The following TAF1 variants were observed in gnomAD, a reference collection of about 807,000 sequenced individuals.
TAF1 encodes transcription initiation factor TFIID subunit 1.
TAF1 carries 2 observed loss-of-function variants against 138.5 expected under a neutral mutation model. The ratio of observed to expected loss-of-function variants is 0.01; its 90% CI spans 0.01 to 0.05. TAF1 has a LOEUF of 0.05. Among genes scored for constraint, TAF1 ranks in the 10% least tolerant of loss-of-function variants. The pLI is 1.00. For missense variants in TAF1, 709 were observed against 1,478.0 expected (o/e 0.48, Z 8.53); for synonymous variants, 437 against 503.2 (o/e 0.87, Z 1.76).
intron 35 of TAF1, chrX:71,459,159 G>A (rs1378532584): frequency 2.8e-6 from 3 of 1,071,626 alleles, no homozygotes; most frequent in South Asian, 1.8e-5. Context: ...GATGCGCCAG[G>A]GCCGAGGTAG....
rs976578787 is a variant in TAF1, at chrX:71,493,273, A to G, written c.1366+32470A>G. 4.5e-5 allele frequency among the ~76,000 whole-genome samples: 5 copies of G among 111,861 alleles called. No homozygotes were observed. The East Asian group carries it at 1.1e-3, about 25-fold the overall frequency. On this transcript the variant is annotated intron_variant and NMD_transcript_variant, in intron 13 of 14. Transcript: ENST00000373775. ...CGTGATCCGCCCGCCTCGGACTTCC[A>G]AAGTGCTAGGATTACAGGCGTGAGC...
At chrX:71,371,776 GCT>G (rs1301524555) in intron 3 of TAF1, among the ~76,000 whole-genome samples, 1 of 111,703 alleles carries the variant, frequency 9.0e-6, no homozygotes, top group East Asian at 2.8e-4. Flanking sequence ...TGAGCAGGTT[GCT>G]GAATCTCTGA....
At chrX:71,458,095 G>C (rs2038385801) in intron 34 of TAF1, 146 bp from the exon 35 acceptor site, 1 of 773,051 alleles carries the variant, frequency 1.3e-6, no homozygotes, top group South Asian at 3.0e-5. Context: ...CCAAAAACTT[G>C]TCTGTAAAGC....
chrX:71,494,705 T>G (rs1339419629), intron 13 of TAF1, among the ~76,000 whole-genome samples: 1 of 112,163 alleles, frequency 8.9e-6, no homozygotes, highest in Non-Finnish European at 1.9e-5. Flanking sequence ...CTCACCAACT[T>G]CAAGAATGAA....
At chrX:71,375,917 G>A (rs1177484967) in intron 4 of TAF1, among the ~76,000 whole-genome samples, 1 of 112,829 alleles carries the variant, frequency 8.9e-6, no homozygotes, top group East Asian at 2.8e-4. Flanking sequence ...CTGGTATTTG[G>A]AAACTACTTG....
At chrX:71,445,511 C>T (rs1314831873) in intron 32 of TAF1, among the ~76,000 whole-genome samples, 1 of 111,574 alleles carries the variant, frequency 9.0e-6, no homozygotes, top group Non-Finnish European at 1.9e-5. Context: ...ACTGTCCTTC[C>T]TCCATTGAAT....
intron 32 of TAF1, among the ~76,000 whole-genome samples, chrX:71,449,985 C>G (rs959281238): frequency 1.4e-4 from 16 of 111,404 alleles, no homozygotes; most frequent in African/African-American, 4.9e-4. Flanking sequence ...ATTGCCCAGG[C>G]TGGTCTTGAA....
intron 13 of TAF1, among the ~76,000 whole-genome samples, chrX:71,516,027 G>A (rs186919746): frequency 9.1e-6 from 1 of 109,717 alleles, no homozygotes; most frequent in African/African-American, 3.3e-5. Context: ...GGGGTTGGGG[G>A]AGGGAGGGAG....
intron 13 of TAF1, among the ~76,000 whole-genome samples, chrX:71,481,722 T>A (rs1432121574): frequency 9.0e-6 from 1 of 111,095 alleles, no homozygotes; most frequent in Non-Finnish European, 1.9e-5. Context: ...CATGCCCGGC[T>A]AATTTTTTGT....
rs747853828 is a variant in TAF1 at position 71,448,749 on chromosome X, T to A, written c.4754-5421T>A. Among the ~76,000 whole-genome samples the A allele has an allele frequency of 2.7e-5, 3 of 111,378 alleles. No individual in the cohort carries two copies. The East Asian group carries it at 8.4e-4, about 31-fold the overall frequency. On this transcript the variant is annotated intron_variant, in intron 32 of 37. Transcript: ENST00000423759. ...AGTGTATCAGCTATGCAAGTAAGTG[T>A]GGGTTTTTTTTTTAAATATTCTAGA...
chrX:71,420,555 T>C lies in TAF1; in HGVS notation c.4385-754T>C, dbSNP rs1309890014. ...CCAGCATTTCCTGGAGGTGGACTCA[T>C]ACTCATCTGCTTCTCTACCTCGTTC... On this transcript the variant is annotated intron_variant, in intron 28 of 37. Transcript: ENST00000423759. 25 of 1,207,425 alleles carry C rather than the reference T, an allele frequency of 2.1e-5. No homozygotes were observed. The Admixed American group carries it at 5.2e-4, about 25-fold the overall frequency.
intron 32 of TAF1, among the ~76,000 whole-genome samples, chrX:71,446,386 T>C (rs1357260791): frequency 8.9e-6 from 1 of 112,199 alleles, no homozygotes; most frequent in African/African-American, 3.2e-5. Context: ...ATCAATGCTT[T>C]AAAAATTATT....
intron 13 of TAF1, among the ~76,000 whole-genome samples, chrX:71,516,413 G>A (rs1221656180): frequency 1.8e-5 from 2 of 109,584 alleles, no homozygotes; most frequent in Non-Finnish European, 3.8e-5. Context: ...TTTGTAAGAT[G>A]AAAAAGTTCT....
intron 28 of TAF1, among the ~76,000 whole-genome samples, chrX:71,410,105 C>A (rs2148503262): frequency 9.1e-6 from 1 of 109,610 alleles, no homozygotes; most frequent in South Asian, 3.9e-4. Context: ...GTTGGCCAGG[C>A]TGGTCTTGAA....
intron 37 of TAF1, among the ~76,000 whole-genome samples, chrX:71,462,775 G>T: frequency 9.0e-6 from 1 of 110,601 alleles, no homozygotes; most frequent in South Asian, 3.8e-4. Context: ...TTTGGAGAGA[G>T]GCTTATTTAT....
At chrX:71,487,101 T>TC (rs2039184918) in intron 13 of TAF1, among the ~76,000 whole-genome samples, 1 of 100,592 alleles carries the variant, frequency 9.9e-6, no homozygotes, top group South Asian at 4.4e-4. Flanking sequence ...AATTTCAGCC[T>TC]TTTTTTTTTT....
intron 35 of TAF1, 176 bp from the exon 36 acceptor site, chrX:71,459,376 C>A: frequency 9.9e-7 from 1 of 1,007,506 alleles, no homozygotes. Context: ...CCCAATCTGA[C>A]TTTAATCCTT....
In TAF1 at chrX:71,388,315, C is replaced by T; in HGVS notation, c.2506C>T (p.Pro836Ser). The T allele has an allele frequency of 1.7e-6, 2 of 1,211,797 alleles. No homozygotes were observed. The highest frequency in any genetic ancestry group is 3.5e-5 in the South Asian group (2 of 56,974). ...IRMEDIKKAFPSHSESSIRKR... is the reference protein window; with the variant it reads ...IRMEDIKKAFSSHSESSIRKR... The stretch of plus-strand genomic sequence containing the variant: ...AATGGAAGATATAAAAAAAGCCTTT[C>T]CTTCCCATTCAGAAAGCAGCATCCG... The change falls in exon 16 of 38, where the codon CCT becomes TCT. Residue 836 changes from proline (P) to serine (S), a missense_variant. Transcript: ENST00000423759.
chrX:71,459,127 T>C (rs1345211063), intron 35 of TAF1: 12 of 1,031,729 alleles, frequency 1.2e-5, no homozygotes, highest in Non-Finnish European at 1.5e-5. Flanking sequence ...CTCAATGATG[T>C]GCTATTTGTG....
Sources: gnomAD v4.1 joint callset for allele counts (sites outside exome capture counted in the v4.1 genomes callset) on GRCh38, gnomAD v4.1.1 for gene constraint, MANE v1.5 for transcripts, NCBI Gene and HGNC (gene_info 2026-07-23, HGNC 2026-07-21) for gene names.